Variants in ROBO1 observed in about 807,000 individuals in gnomAD.
ROBO1 encodes roundabout guidance receptor 1.
Under a neutral mutation model 195.9 loss-of-function variants are expected in ROBO1, and 149 were observed. That is an observed-to-expected ratio of 0.76 (90% CI 0.67 to 0.87). The LOEUF is 0.87. Ranked by LOEUF, ROBO1 falls within the 40% of genes least tolerant of loss-of-function variation. The probability of loss-of-function intolerance (pLI) is 0.00; values close to 1 mark genes in which losing one functional copy is unlikely to be tolerated. For missense variants in ROBO1, 1,933 were observed against 2,068.3 expected (o/e 0.93, Z 1.27); for synonymous variants, 816 against 733.2 (o/e 1.11, Z -1.82).
At chr3:79,176,750 G>A (rs990965309) in intron 2 of ROBO1, among the ~76,000 whole-genome samples, 20 of 152,108 alleles carry the variant, frequency 1.3e-4, no homozygotes, top group Admixed American at 3.9e-4. Context: ...GTGAGCTGCC[G>A]CGCCTAGCCT....
At chr3:79,711,919 A>T (rs1351144672) in intron 1 of ROBO1, among the ~76,000 whole-genome samples, 1 of 4,222 alleles carries the variant, frequency 2.4e-4, no homozygotes, top group Non-Finnish European at 5.8e-4. Flanking sequence ...TTTGTGGGGG[A>T]TGGGCGGGTG....
chr3:79,242,649 T>C (rs988833843), intron 2 of ROBO1, among the ~76,000 whole-genome samples: 1 of 152,174 alleles, frequency 6.6e-6, no homozygotes, highest in Non-Finnish European at 1.5e-5. Flanking sequence ...ACATTCACCA[T>C]CTATAACTTT....
chr3:78,626,708 G>A (rs1461851537), intron 26 of ROBO1, among the ~76,000 whole-genome samples: 1 of 151,604 alleles, frequency 6.6e-6, no homozygotes, highest in Non-Finnish European at 1.5e-5. Flanking sequence ...GGTTGGGGAT[G>A]CTCAATACAT....
chr3:79,629,816 AC>A (rs1185658739), intron 1 of ROBO1, among the ~76,000 whole-genome samples: 1 of 152,028 alleles, frequency 6.6e-6, no homozygotes, highest in Non-Finnish European at 1.5e-5. Flanking sequence ...TGATATTAAG[AC>A]TGATACCATA....
chr3:79,594,125 C>T (rs1296591117), intron 1 of ROBO1, among the ~76,000 whole-genome samples: 1 of 151,874 alleles, frequency 6.6e-6, no homozygotes, highest in South Asian at 2.1e-4. Context: ...ATCCTCTCAA[C>T]AAGAAAGTCC....
chr3:79,168,911 A>T (rs2081118282), intron 2 of ROBO1, among the ~76,000 whole-genome samples: 1 of 152,188 alleles, frequency 6.6e-6, no homozygotes, highest in Non-Finnish European at 1.5e-5. Context: ...AAAATCCTAA[A>T]TGAGAAAGTG....
At chr3:78,745,284 G>A (rs1486873140) in intron 5 of ROBO1, among the ~76,000 whole-genome samples, 1 of 145,712 alleles carries the variant, frequency 6.9e-6, no homozygotes, top group Non-Finnish European at 1.5e-5. Flanking sequence ...CTCCAGCCTG[G>A]TGACAGAGCA....
chr3:78,820,217 A>G (rs2030740055), intron 4 of ROBO1, among the ~76,000 whole-genome samples: 1 of 152,198 alleles, frequency 6.6e-6, no homozygotes, highest in Non-Finnish European at 1.5e-5. Context: ...AACTCTTCAT[A>G]CTTATATTTT....
chr3:78,828,655 AAT>A (rs151006975), intron 4 of ROBO1, among the ~76,000 whole-genome samples: 32,859 of 152,058 alleles, frequency 0.22, 4,078 homozygotes, highest in Non-Finnish European at 0.28. Flanking sequence ...AGAATCATGG[AAT>A]ATTGTAACCA....
chr3:79,695,353 C>A (rs1232940144), intron 1 of ROBO1, among the ~76,000 whole-genome samples: 1 of 151,524 alleles, frequency 6.6e-6, no homozygotes, highest in Non-Finnish European at 1.5e-5. Flanking sequence ...ACCTCTTTGA[C>A]GATGTGAGTA....
chr3:78,834,145 A>T (rs1373879521), intron 4 of ROBO1, among the ~76,000 whole-genome samples: 1 of 152,138 alleles, frequency 6.6e-6, no homozygotes, highest in African/African-American at 2.4e-5. Context: ...GAAGAGATAC[A>T]ATGAAGTGGT....
At chr3:78,844,311 G>T (rs547228795) in intron 4 of ROBO1, among the ~76,000 whole-genome samples, 1 of 152,160 alleles carries the variant, frequency 6.6e-6, no homozygotes, top group Non-Finnish European at 1.5e-5. Context: ...ACTCAATAAA[G>T]ATTTTTCTGA....
chr3:79,120,154 C>T (rs947320881), intron 3 of ROBO1, among the ~76,000 whole-genome samples: 4 of 151,614 alleles, frequency 2.6e-5, no homozygotes, highest in Middle Eastern at 3.4e-3. Flanking sequence ...TATTTGTGGA[C>T]AATAAACATA....
At chr3:79,580,802 G>C (rs1943636243) in intron 2 of ROBO1, among the ~76,000 whole-genome samples, 1 of 152,062 alleles carries the variant, frequency 6.6e-6, no homozygotes, top group South Asian at 2.1e-4. Context: ...TGGGAAGAAG[G>C]CCAGTTACAA....
At chr3:79,710,414 A>T (rs984144377) in intron 1 of ROBO1, among the ~76,000 whole-genome samples, 1 of 152,124 alleles carries the variant, frequency 6.6e-6, no homozygotes, top group African/African-American at 2.4e-5. Context: ...TCAGCAGCCA[A>T]AATGGAAGCC....
At chr3:79,357,238 C>CT (rs1453397675) in intron 2 of ROBO1, among the ~76,000 whole-genome samples, 6 of 152,062 alleles carry the variant, frequency 3.9e-5, no homozygotes, top group African/African-American at 1.4e-4. Context: ...GGGCACATGC[C>CT]TGAATGAAGT....
chr3:79,686,205 T>C (rs1947107656), intron 1 of ROBO1, among the ~76,000 whole-genome samples: 1 of 152,186 alleles, frequency 6.6e-6, no homozygotes, highest in Non-Finnish European at 1.5e-5. Flanking sequence ...AAATTAGGTA[T>C]TGATGGGACA....
intron 3 of ROBO1, among the ~76,000 whole-genome samples, chr3:79,091,432 T>C (rs1444977274): frequency 6.6e-6 from 1 of 152,122 alleles, no homozygotes; most frequent in Non-Finnish European, 1.5e-5. Context: ...AGATAAAGTA[T>C]AAAATAATTC....
chr3:79,398,242 T>C (rs2037225482), intron 2 of ROBO1, among the ~76,000 whole-genome samples: 1 of 152,124 alleles, frequency 6.6e-6, no homozygotes, highest in Non-Finnish European at 1.5e-5. Flanking sequence ...TAATAAGCTA[T>C]CACATAATTT....
Sources: gnomAD v4.1 joint callset for allele counts (sites outside exome capture counted in the v4.1 genomes callset) on GRCh38, gnomAD v4.1.1 for gene constraint, MANE v1.5 for transcripts, NCBI Gene and HGNC (gene_info 2026-07-23, HGNC 2026-07-21) for gene names.